The following PPP3CB variants were observed in gnomAD, a reference collection of about 807,000 sequenced individuals.
PPP3CB encodes protein phosphatase 3 catalytic subunit beta.
In PPP3CB, 8 loss-of-function variants were observed where a neutral mutation model predicts 66.4. The observed-to-expected ratio is 0.12, with a 90% CI of 0.07 to 0.22. The LOEUF is 0.22. PPP3CB is among the 10% of genes least tolerant of loss of function. PPP3CB has a pLI of 1.00. For missense variants in PPP3CB, 319 were observed against 642.5 expected, an observed-to-expected ratio of 0.50 and a Z score of 5.44; for synonymous variants, 208 against 221.2, an observed-to-expected ratio of 0.94 and a Z score of 0.53.
intron 4 of PPP3CB, among the ~76,000 whole-genome samples, chr10:73,474,100 T>C (rs1172607722): frequency 6.6e-6 from 1 of 152,154 alleles, no homozygotes; most frequent in South Asian, 2.1e-4. Context: ...TGGAGTACAA[T>C]GGCGCGATCT....
At chr10:73,459,370 C>T (rs1185861923) in intron 9 of PPP3CB, among the ~76,000 whole-genome samples, 2 of 152,148 alleles carry the variant, frequency 1.3e-5, no homozygotes, top group African/African-American at 4.8e-5. Context: ...CCTGTAGTCC[C>T]AGCTACTCAG....
intron 10 of PPP3CB, among the ~76,000 whole-genome samples, chr10:73,449,691 G>C (rs908927171): frequency 6.6e-6 from 1 of 152,058 alleles, no homozygotes; most frequent in Non-Finnish European, 1.5e-5. Flanking sequence ...TTATACATTA[G>C]TGTTAATGCA....
Position 73,478,568 on chromosome 10 carries a change from T to C in PPP3CB, c.342A>G (p.Gly114=). 6.2e-7 allele frequency: 1 copy of C among 1,610,218 alleles called. No homozygotes were observed. Among genetic ancestry groups the C allele is most frequent in the South Asian group, 1.1e-5 (1 of 90,992 alleles). Residue 114 remains glycine, a synonymous_variant, in exon 3 of 14, where the codon GGA becomes GGG. Coordinates refer to ENST00000360663, the MANE Select transcript of PPP3CB (RefSeq NM_021132.4). Reference sequence around the variant, plus strand: ...GGTATCGTGTATTAGCAGGTGATCCTCCTACTTCAAAAAGTTTCATCAGAT... The same window carrying C: ...GGTATCGTGTATTAGCAGGTGATCCCCCTACTTCAAAAAGTTTCATCAGAT... ...FFDLMKLFEV[G]GSPANTRYLF... is the part of the protein sequence containing the mutation.
Position 73,451,227 on chromosome 10 carries a change from G to A in PPP3CB, c.1186+3185C>T, listed in dbSNP as rs866732886. 9.2e-5 allele frequency among the ~76,000 whole-genome samples: 14 copies of A among 151,722 alleles called. No individual in the cohort carries two copies. The South Asian group carries it at 1.9e-3, about 20-fold the overall frequency. ...AGAATAAAAGAAAGGTAAAAATACA[G>A]AAAATAAATAACAATATCAATCCCC... is the stretch of plus-strand genomic sequence containing the variant. On this transcript the variant is annotated intron_variant, in intron 10 of 13. Coordinates refer to ENST00000360663, the MANE Select transcript of PPP3CB (RefSeq NM_021132.4).
At chr10:73,455,247 A>G (rs1016847407) in intron 9 of PPP3CB, among the ~76,000 whole-genome samples, 2 of 152,136 alleles carry the variant, frequency 1.3e-5, no homozygotes, top group African/African-American at 2.4e-5. Context: ...ACTAATGACT[A>G]TCTAACAATC....
At chr10:73,457,260 G>GAAAAAAAAAAAAAAA (rs35129439) in intron 9 of PPP3CB, among the ~76,000 whole-genome samples, 8 of 69,026 alleles carry the variant, frequency 1.2e-4, no homozygotes, top group Non-Finnish European at 1.7e-4. Flanking sequence ...CTCTAAAAAA[G>GAAAAAAAAAAAAAAA]AAAAAAAAAA....
rs1178858599 is a variant in PPP3CB, at chr10:73,437,629, G to C, written c.*613C>G. On this transcript the variant is annotated 3_prime_UTR_variant, in exon 14 of 14. Coordinates refer to ENST00000360663, the MANE Select transcript of PPP3CB (RefSeq NM_021132.4). Reference sequence around the variant, plus strand: ...TTTTTGGATTTGTGTTCAAGTAAGAGAGCCTGCCTGGAAATAGGATATGCA... The same window carrying C: ...TTTTTGGATTTGTGTTCAAGTAAGACAGCCTGCCTGGAAATAGGATATGCA... 2 of 152,586 alleles carry C rather than the reference G, an allele frequency of 1.3e-5. No individual in the cohort carries two copies. Among genetic ancestry groups the C allele is most frequent in the Admixed American group, 6.6e-5 (1 of 15,258 alleles). 9.5% of individuals were successfully genotyped at this position (152,586 alleles called of 1,614,324 possible). A position where few individuals can be genotyped will look rare whatever the true frequency, so the allele number is the denominator to read the frequency against.
At chr10:73,470,645 T>C in intron 8 of PPP3CB, 42 bp downstream of exon 8, 1 of 1,265,774 alleles carries the variant, frequency 7.9e-7, no homozygotes, top group East Asian at 2.4e-5. Flanking sequence ...TCAATTAAAA[T>C]ACTAAGTTGT....
At chr10:73,451,989 A>T in intron 10 of PPP3CB, among the ~76,000 whole-genome samples, 1 of 149,590 alleles carries the variant, frequency 6.7e-6, no homozygotes, top group African/African-American at 2.5e-5. Context: ...CTCATGATCC[A>T]CCCGCCTCAG....
rs376857821 is a variant in PPP3CB at position 73,495,798 on chromosome 10, C to G, written c.85+7G>C. ...GCCAGGCCCCCAGGGTTTCGTCCAC[C>G]TCTCACCTTTGACGACGCGGTCAGC... is the stretch of plus-strand genomic sequence containing the variant. On this transcript the variant is annotated splice_region_variant and intron_variant, in intron 1 of 13. Transcript: ENST00000360663. 1.0e-5 allele frequency: 16 copies of G among 1,563,630 alleles called. No individual in the cohort carries two copies. The highest frequency in any genetic ancestry group is 1.4e-5 in the African/African-American group (1 of 70,294).
At chr10:73,481,085 G>T (rs2056868017) in intron 1 of PPP3CB, among the ~76,000 whole-genome samples, 2 of 151,906 alleles carry the variant, frequency 1.3e-5, no homozygotes, top group South Asian at 2.1e-4. Context: ...AATAAAGAAA[G>T]TGAGAGAGAA....
chr10:73,438,299 A>C lies in PPP3CB; in HGVS notation c.1518T>G (p.Ser506=), dbSNP rs762654972. The change falls in exon 14 of 14, where the codon TCT becomes TCG. Residue 506 remains serine, a synonymous_variant. Transcript: ENST00000360663. ...KDAVQQDGFN[S]LNTAHATENH... is the part of the protein sequence containing the mutation. ...TCTCAGTGGCATGTGCGGTGTTCAG[A>C]GAATTGAAACCATCTTGCTGTACAG... The C allele has an allele frequency of 1.9e-6, 3 of 1,614,186 alleles. No individual in the cohort carries two copies. In the South Asian group the frequency reaches 3.3e-5, roughly 18 times the overall value.
intron 9 of PPP3CB, among the ~76,000 whole-genome samples, chr10:73,463,051 GTT>G (rs1452222161): frequency 4.0e-5 from 6 of 151,394 alleles, no homozygotes; most frequent in African/African-American, 1.5e-4. Flanking sequence ...TGAGTAAAGG[GTT>G]GTTGTAACAA....
At chr10:73,471,315 T>G (rs748716627) in intron 5 of PPP3CB, 106 bp from the exon 6 acceptor site, 11 of 1,355,768 alleles carry the variant, frequency 8.1e-6, no homozygotes, top group Non-Finnish European at 1.1e-5. Flanking sequence ...TACTATATTA[T>G]TGTGAATAAA....
At chr10:73,458,095 T>C (rs1382774207) in intron 9 of PPP3CB, among the ~76,000 whole-genome samples, 1 of 152,182 alleles carries the variant, frequency 6.6e-6, no homozygotes, top group African/African-American at 2.4e-5. Flanking sequence ...TGTAACAAAA[T>C]TACACTTATA....
intron 1 of PPP3CB, among the ~76,000 whole-genome samples, chr10:73,482,593 G>GTGTT (rs1167420963): frequency 6.8e-6 from 1 of 146,076 alleles, no homozygotes; most frequent in African/African-American, 2.5e-5. Context: ...AAAAAAAGCT[G>GTGTT]TGTTCTACAT....
chr10:73,448,608 T>C, intron 10 of PPP3CB: 1 of 532,610 alleles, frequency 1.9e-6, no homozygotes, highest in Non-Finnish European at 3.8e-6. Flanking sequence ...TACATGGACA[T>C]GAAGATAACT....
intron 3 of PPP3CB, among the ~76,000 whole-genome samples, chr10:73,476,887 A>G (rs1455703507): frequency 1.3e-5 from 2 of 151,824 alleles, no homozygotes; most frequent in Non-Finnish European, 2.9e-5. Context: ...GGACAGACAG[A>G]GTCTAGAACT....
At chr10:73,446,325 C>A (rs1390270600) in intron 11 of PPP3CB, among the ~76,000 whole-genome samples, 167 bp downstream of exon 11, 4 of 151,982 alleles carry the variant, frequency 2.6e-5, no homozygotes, top group Non-Finnish European at 5.9e-5. Context: ...GTTTCAAACT[C>A]CTGACCTCAG....
Sources: gnomAD v4.1 joint callset for allele counts (sites outside exome capture counted in the v4.1 genomes callset) on GRCh38, gnomAD v4.1.1 for gene constraint, MANE v1.5 for transcripts, NCBI Gene and HGNC (gene_info 2026-07-23, HGNC 2026-07-21) for gene names.